The following ZNF521 variants were observed in gnomAD, a reference collection of about 807,000 sequenced individuals.
The protein encoded by ZNF521 is LYST-interacting protein 3.
A neutral mutation model predicts 105.5 loss-of-function variants in ZNF521; 14 were observed. The ratio of observed to expected loss-of-function variants is 0.13; its 90% CI spans 0.09 to 0.21. ZNF521 has a LOEUF of 0.21. Ranked by LOEUF, ZNF521 falls within the 10% of genes least tolerant of loss-of-function variation. ZNF521 has a pLI of 1.00. For synonymous variants in ZNF521, 635 were observed against 606.0 expected, an observed-to-expected ratio of 1.05 and a Z score of -0.70; for missense variants, 1,233 against 1,629.7, an observed-to-expected ratio of 0.76 and a Z score of 4.19.
At chr18:25,173,368 C>CAGG (rs2035481055) in intron 5 of ZNF521, among the ~76,000 whole-genome samples, 1 of 152,172 alleles carries the variant, frequency 6.6e-6, no homozygotes, top group African/African-American at 2.4e-5. Flanking sequence ...ACCTGGACAC[C>CAGG]TTTTCCTCAT....
At chr18:25,350,416 C>G (rs923923370) in intron 2 of ZNF521, among the ~76,000 whole-genome samples, 5 of 152,126 alleles carry the variant, frequency 3.3e-5, no homozygotes, top group African/African-American at 7.2e-5. Context: ...GGCCGGGACC[C>G]CGGGCCACGT....
chr18:25,148,682 G>T (rs1053706993), intron 5 of ZNF521, among the ~76,000 whole-genome samples: 1 of 152,046 alleles, frequency 6.6e-6, no homozygotes, highest in East Asian at 1.9e-4. Flanking sequence ...ACTGTGTTTT[G>T]TGAGTGACAA....
intron 3 of ZNF521, among the ~76,000 whole-genome samples, chr18:25,317,328 G>T (rs1912693767): frequency 6.6e-6 from 1 of 152,048 alleles, no homozygotes; most frequent in South Asian, 2.1e-4. Context: ...TCCTGCACAG[G>T]TATTATTAAA....
intron 2 of ZNF521, among the ~76,000 whole-genome samples, chr18:25,331,486 G>A (rs1451212380): frequency 2.0e-5 from 3 of 152,144 alleles, no homozygotes; most frequent in Non-Finnish European, 2.9e-5. Context: ...GGACATTTGC[G>A]AAAGAATCTG....
At chr18:25,204,017 A>G (rs948467999) in intron 4 of ZNF521, among the ~76,000 whole-genome samples, 11 of 152,060 alleles carry the variant, frequency 7.2e-5, no homozygotes, top group African/African-American at 9.7e-5. Context: ...GCCACTCTCT[A>G]TTGCTCCCGT....
intron 4 of ZNF521, among the ~76,000 whole-genome samples, chr18:25,200,804 T>C (rs1191470367): frequency 1.3e-5 from 2 of 152,110 alleles, no homozygotes; most frequent in African/African-American, 2.4e-5. Context: ...CCAACATTTC[T>C]AGTTTTAAAC....
Position 25,300,633 on chromosome 18 carries a change from G to T in ZNF521, c.220+21375C>A, listed in dbSNP as rs1204159230. ...CTTTGCACGTTATAATATTAGGTTG[G>T]TGCAAAAGTAATTGTGATTTTTGCC... On this transcript the variant is annotated intron_variant, in intron 3 of 7. Transcript: ENST00000361524. Among the ~76,000 whole-genome samples the T allele has an allele frequency of 2.0e-5, 3 of 152,116 alleles. No individual in the cohort carries two copies. The East Asian group carries it at 5.8e-4, about 29-fold the overall frequency.
intron 3 of ZNF521, among the ~76,000 whole-genome samples, chr18:25,258,373 G>A (rs1043412763): frequency 1.3e-5 from 2 of 152,156 alleles, no homozygotes; most frequent in Non-Finnish European, 2.9e-5. Flanking sequence ...AGGCCCAAAG[G>A]GAGCTATGAC....
At chr18:25,304,446 T>C (rs1022271620) in intron 3 of ZNF521, among the ~76,000 whole-genome samples, 2 of 152,222 alleles carry the variant, frequency 1.3e-5, no homozygotes, top group African/African-American at 4.8e-5. Context: ...TAACTGACTT[T>C]ACATTCGGTT....
At chr18:25,134,149 C>T (rs1432526622) in intron 5 of ZNF521, among the ~76,000 whole-genome samples, 1 of 152,118 alleles carries the variant, frequency 6.6e-6, no homozygotes, top group African/African-American at 2.4e-5. Flanking sequence ...CTCTTGTATC[C>T]TAACAGACGG....
In ZNF521 at chr18:25,207,851, T is replaced by C. The variant is rs146345467; in HGVS notation, c.3574-12607A>G. Among the ~76,000 whole-genome samples, 573 of 152,276 alleles carry C rather than the reference T, an allele frequency of 3.8e-3. 5 individuals are homozygous for C. Among genetic ancestry groups the C allele is most frequent in the African/African-American group, 0.012 (494 of 41,560 alleles). ...TGCATAATCATTACTGATAATATAT[T>C]GCATAAAGCTAGAAATTCTCCAAAT... is the stretch of plus-strand genomic sequence containing the variant. On this transcript the variant is annotated intron_variant, in intron 4 of 7. Coordinates refer to ENST00000361524, the MANE Select transcript of ZNF521 (RefSeq NM_015461.3).
chr18:25,243,309 AATGT>A (rs1907478303), intron 3 of ZNF521, among the ~76,000 whole-genome samples: 1 of 152,158 alleles, frequency 6.6e-6, no homozygotes, highest in Non-Finnish European at 1.5e-5. Flanking sequence ...ACGTCTACTC[AATGT>A]CACATATGGC....
intron 3 of ZNF521, among the ~76,000 whole-genome samples, chr18:25,253,109 C>T (rs897969815): frequency 1.3e-5 from 2 of 152,104 alleles, no homozygotes; most frequent in African/African-American, 4.8e-5. Context: ...TGCTGACATG[C>T]CATTTTATTA....
At chr18:25,119,255 C>T (rs1419290564) in intron 5 of ZNF521, among the ~76,000 whole-genome samples, 2 of 152,080 alleles carry the variant, frequency 1.3e-5, no homozygotes, top group African/African-American at 2.4e-5. Flanking sequence ...AACACTAGCT[C>T]CCTGCCCCCG....
At chr18:25,156,330 T>C (rs117368524) in intron 5 of ZNF521, among the ~76,000 whole-genome samples, 2,081 of 152,336 alleles carry the variant, frequency 0.014, 16 homozygotes, top group Admixed American at 0.02. Context: ...TCCATTTCTA[T>C]GAACTTCCCA....
chr18:25,280,473 C>T, intron 3 of ZNF521, among the ~76,000 whole-genome samples: 1 of 151,980 alleles, frequency 6.6e-6, no homozygotes, highest in East Asian at 1.9e-4. Context: ...GTATCTCCTC[C>T]TTTTCTCTGT....
chr18:25,132,265 T>C lies in ZNF521; in HGVS notation c.3659-40184A>G, dbSNP rs1263750612. Among the ~76,000 whole-genome samples, 7 of 152,312 alleles carry C rather than the reference T, an allele frequency of 4.6e-5. 1 individual carries two copies. The highest frequency in any genetic ancestry group is 1.7e-4 in the African/African-American group (7 of 41,574). On this transcript the variant is annotated intron_variant, in intron 5 of 7. Transcript: ENST00000361524. ...CAAAGAATCCTACATTTCCACCTAC[T>C]GTATCTTCTAAGCAGACTAGTGTTT... is the stretch of plus-strand genomic sequence containing the variant.
At chr18:25,350,700 G>T (rs564808429) in intron 2 of ZNF521, among the ~76,000 whole-genome samples, 2 of 150,904 alleles carry the variant, frequency 1.3e-5, no homozygotes, top group African/African-American at 2.4e-5. Flanking sequence ...CCCATTCGGG[G>T]ATCCTCCTCC....
At chr18:25,157,721 T>G (rs925255405) in intron 5 of ZNF521, among the ~76,000 whole-genome samples, 8 of 152,158 alleles carry the variant, frequency 5.3e-5, no homozygotes, top group Admixed American at 5.2e-4. Context: ...CTGCCAACTA[T>G]TACCTGTGTG....
Sources: allele counts gnomAD v4.1 joint callset (sites outside exome capture counted in the v4.1 genomes callset), GRCh38; gene constraint gnomAD v4.1.1; transcripts MANE v1.5; gene names NCBI Gene and HGNC (gene_info 2026-07-23, HGNC 2026-07-21).